EEF1G: variants seen among roughly 807,000 people sequenced by gnomAD.
The protein encoded by EEF1G is eukaryotic translation elongation factor 1 gamma.
In EEF1G, 14 loss-of-function variants were observed where a neutral mutation model predicts 58.3. The ratio of observed to expected loss-of-function variants is 0.24; its 90% confidence interval spans 0.16 to 0.38. The LOEUF is 0.38. EEF1G is among the 10% of genes least tolerant of loss of function. EEF1G has a pLI of 1.00. For missense variants in EEF1G, 322 were observed against 550.1 expected (o/e 0.59, Z 4.15); for synonymous variants, 180 against 206.8 (o/e 0.87, Z 1.11).
Position 62,561,359 on chromosome 11 carries a change from A to G in EEF1G, c.858-905T>C, listed in dbSNP as rs1240055429. On this transcript the variant is annotated intron_variant, in intron 7 of 9. Coordinates refer to ENST00000329251, the MANE Select transcript of EEF1G (RefSeq NM_001404.5). ...GCGCCACTGCACTCCAGCCTGGGCG[A>G]TAGAGGAAGAGTCCTGTCTGGGGGG... 2.7e-5 allele frequency among the ~76,000 whole-genome samples: 4 copies of G among 150,154 alleles called. 1 individual carries two copies.
chr11:62,560,157 G>A lies in EEF1G; in HGVS notation c.1067C>T (p.Ala356Val), dbSNP rs752420312. The change falls in exon 9 of 10, where the codon GCC becomes GTC. Residue 356 changes from alanine (A) to valine (V), a missense_variant. Physicochemically the swap from Ala to Val is moderately conservative, Grantham distance 64. Transcript: ENST00000329251. ...FQRLDKLRKN[A>V]FASVILFGTN... Reference sequence around the variant, plus strand: ...TCCAAAAAGGATGACACTGGCGAAGGCATTCTTCCTCAGCTTGTCCAGTCG... The same window carrying A: ...TCCAAAAAGGATGACACTGGCGAAGACATTCTTCCTCAGCTTGTCCAGTCG... The A allele has an allele frequency of 4.3e-6, 7 of 1,614,044 alleles. No individual in the cohort carries two copies. Among genetic ancestry groups the A allele is most frequent in the South Asian group, 3.3e-5 (3 of 91,084 alleles).
Position 62,560,143 on chromosome 11 carries a change from T to A in EEF1G, c.1081A>T (p.Ile361Phe). ...CTGCTATTGTTGGTTCCAAAAAGGA[T>A]GACACTGGCGAAGGCATTCTTCCTC... The part of the protein sequence containing the change: ...KLRKNAFASV[I>F]LFGTNNSSSI... Residue 361 changes from isoleucine to phenylalanine, a missense_variant, in exon 9 of 10, where the codon ATC (isoleucine) becomes TTC (phenylalanine). Physicochemically the swap from Ile to Phe is conservative, Grantham distance 21. Around this residue, in one of 3 missense-constraint regions of EEF1G, gnomAD observed 208 missense variants for 323.7 expected, o/e 0.64. Coordinates refer to ENST00000329251, the MANE Select transcript of EEF1G (RefSeq NM_001404.5). The A allele has an allele frequency of 6.2e-7, 1 of 1,614,046 alleles. No individual in the cohort carries two copies. Among genetic ancestry groups the A allele is most frequent in the Non-Finnish European group, 8.5e-7 (1 of 1,179,894 alleles).
chr11:62,569,955 T>TA (rs1268319568), intron 5 of EEF1G, among the ~76,000 whole-genome samples: 1 of 151,866 alleles, frequency 6.6e-6, no homozygotes, highest in Non-Finnish European at 1.5e-5. Context: ...TTGCAAAGAG[T>TA]AAAAAACAGG....
At position 62,573,857 on chromosome 11, in the gene EEF1G, GA is replaced by G; in HGVS notation, c.-16del. ...CCAGCCGCCATGGTGATTCCGCAAA[GA>G]AAGGGGGTGGGGTTCTCGGCGCTGC... On this transcript the variant is annotated 5_prime_UTR_variant, in exon 1 of 10. Transcript: ENST00000329251. The G allele has an allele frequency of 1.2e-6, 2 of 1,613,774 alleles. No individual in the cohort carries two copies. Among genetic ancestry groups the G allele is most frequent in the Non-Finnish European group, 1.7e-6 (2 of 1,179,862 alleles).
intron 5 of EEF1G, among the ~76,000 whole-genome samples, chr11:62,569,645 G>C (rs2134295681): frequency 6.6e-6 from 1 of 152,256 alleles, no homozygotes; most frequent in East Asian, 1.9e-4. Context: ...AGTTTGCAAA[G>C]ACCAGAAGAG....
At chr11:62,570,900 T>C (rs1941619974) in intron 5 of EEF1G, 65 bp downstream of exon 5, 5 of 1,605,586 alleles carry the variant, frequency 3.1e-6, no homozygotes, top group Non-Finnish European at 4.3e-6. Context: ...GTAACCTAGA[T>C]ACCTCGTCAC....
chr11:62,563,470 G>C (rs995628483), intron 7 of EEF1G, among the ~76,000 whole-genome samples: 1 of 152,258 alleles, frequency 6.6e-6, no homozygotes, highest in East Asian at 1.9e-4. Context: ...AGCAGTCCCA[G>C]CTACTCAAGA....
intron 6 of EEF1G, 93 bp downstream of exon 6, chr11:62,567,306 T>C (rs1055885330): frequency 1.8e-4 from 265 of 1,481,356 alleles, no homozygotes; most frequent in Non-Finnish European, 2.2e-4. Context: ...CAGGTCCCCA[T>C]AACCCAAAAG....
At chr11:62,561,682 C>CAAAAAAAAAA (rs58957254) in intron 7 of EEF1G, among the ~76,000 whole-genome samples, 35 of 124,510 alleles carry the variant, frequency 2.8e-4, no homozygotes, top group South Asian at 7.6e-4. Context: ...AAAAAAAAAA[C>CAAAAAAAAAA]AAAAAAAAAA....
At chr11:62,571,172 T>G in intron 4 of EEF1G, 64 bp from the exon 5 acceptor site, 1 of 1,608,022 alleles carries the variant, frequency 6.2e-7, no homozygotes, top group South Asian at 1.1e-5. Flanking sequence ...CCTCCCCCAT[T>G]AATAGAACTA....
intron 7 of EEF1G, among the ~76,000 whole-genome samples, chr11:62,562,029 T>C (rs991261167): frequency 1.3e-5 from 2 of 152,246 alleles, no homozygotes; most frequent in Non-Finnish European, 2.9e-5. Flanking sequence ...TTTCTCAAAG[T>C]GATAACAACA....
At position 62,567,543 on chromosome 11, in the gene EEF1G, G is replaced by T; in HGVS notation, c.523-15C>A. On this transcript the variant is annotated splice_polypyrimidine_tract_variant and intron_variant, in intron 5 of 9. Transcript: ENST00000329251. The stretch of plus-strand genomic sequence containing the variant: ...GGCTCTAGAACCTGCCAGGACATAA[G>T]GGTGTAAACAAAGTCAGTGGAAAGG... 2 of 1,579,722 alleles carry T rather than the reference G, an allele frequency of 1.3e-6. No individual in the cohort carries two copies. Among genetic ancestry groups the T allele is most frequent in the East Asian group, 2.3e-5 (1 of 44,118 alleles).
In EEF1G at chr11:62,566,848, G is replaced by A. The variant is rs1219132279; in HGVS notation, c.815C>T (p.Ala272Val). 1.2e-6 allele frequency: 2 copies of A among 1,613,244 alleles called. No individual in the cohort carries two copies. Among genetic ancestry groups the A allele is most frequent in the Non-Finnish European group, 1.7e-6 (2 of 1,179,724 alleles). Residue 272 changes from alanine (A) to valine (V), a missense_variant, in exon 7 of 10, where the codon GCT (alanine) becomes GTT (valine). Around this residue, in one of 3 missense-constraint regions of EEF1G, gnomAD observed 208 missense variants for 323.7 expected, o/e 0.64. Coordinates refer to ENST00000329251, the MANE Select transcript of EEF1G (RefSeq NM_001404.5). ...GAAGGGGTCCTTGGCCTTGGGCTCA[G>A]CAGCCAGCGCCTGCTCACATTCATC... ...EMDECEQALA[A>V]EPKAKDPFAH...
At chr11:62,568,424 T>TG (rs1941583677) in intron 5 of EEF1G, among the ~76,000 whole-genome samples, 1 of 148,392 alleles carries the variant, frequency 6.7e-6, no homozygotes, top group Non-Finnish European at 1.5e-5. Flanking sequence ...TTAATAGAGA[T>TG]GGGGTCTCAC....
chr11:62,560,236 A>G (rs554830217), intron 8 of EEF1G, 43 bp from the exon 9 acceptor site: 43 of 1,613,878 alleles, frequency 2.7e-5, no homozygotes, highest in Non-Finnish European at 3.6e-5. Flanking sequence ...GAATCACAGC[A>G]CTTGCTACAC....
At position 62,572,484 on chromosome 11, in the gene EEF1G, G is replaced by A. The variant is rs1217026263; in HGVS notation, c.171+100C>T. The stretch of plus-strand genomic sequence containing the variant: ...TCACCGAAATTGAATAAAACAACAT[G>A]GGAAGCTCCCTTTTAGAGATGGGGG... On this transcript the variant is annotated intron_variant, in intron 2 of 9. Coordinates refer to ENST00000329251, the MANE Select transcript of EEF1G (RefSeq NM_001404.5). 6 of 1,449,420 alleles carry A rather than the reference G, an allele frequency of 4.1e-6. No homozygotes were observed. The East Asian group carries it at 1.1e-4, about 28-fold the overall frequency. 89.8% of individuals were successfully genotyped at this position (1,449,420 alleles called of 1,614,324 possible). A position where few individuals can be genotyped will look rare whatever the true frequency, so the allele number is the denominator to read the frequency against.
At chr11:62,561,683 A>C (rs200754026) in intron 7 of EEF1G, among the ~76,000 whole-genome samples, 1,830 of 6,796 alleles carry the variant, frequency 0.27, 43 homozygotes, top group South Asian at 0.45. Context: ...AAAAAAAAAC[A>C]AAAAAAAAAA....
chr11:62,567,018 AGAGG>A lies in EEF1G; in HGVS notation c.653-12_653-9del. On this transcript the variant is annotated splice_polypyrimidine_tract_variant and intron_variant, in intron 6 of 9. Coordinates refer to ENST00000329251, the MANE Select transcript of EEF1G (RefSeq NM_001404.5). ...TCTCTGCAAACTTTTTAGCTGGTGC[AGAGG>A]AAGGCAGGAAAGTGAACGAATGTTC... 6.2e-7 allele frequency: 1 copy of A among 1,613,658 alleles called. No homozygotes were observed. Among genetic ancestry groups the A allele is most frequent in the East Asian group, 2.2e-5 (1 of 44,880 alleles).
intron 5 of EEF1G, among the ~76,000 whole-genome samples, chr11:62,569,406 G>A (rs968160046): frequency 2.6e-5 from 4 of 151,718 alleles, no homozygotes; most frequent in African/African-American, 7.3e-5. Flanking sequence ...CCTGGGAGGT[G>A]GAGGTTGCAA....
Sources: gnomAD v4.1 joint callset for allele counts (sites outside exome capture counted in the v4.1 genomes callset) on GRCh38, gnomAD v4.1.1 for gene constraint, gnomAD v4.1.1 regional missense constraint, MANE v1.5 for transcripts, NCBI Gene and HGNC (gene_info 2026-07-23, HGNC 2026-07-21) for gene names.